Variants in IL34 observed in about 807,000 individuals in gnomAD.
IL34 encodes the protein interleukin 34, also known as interleukin-34.
Under a neutral mutation model 25.3 loss-of-function variants are expected in IL34, and 17 were observed. The observed-to-expected ratio is 0.67, with a 90% CI of 0.46 to 1.01. The LOEUF is 1.01. IL34 is among the 50% of genes least tolerant of loss of function. The pLI is 0.00. For synonymous variants in IL34, 174 were observed against 140.9 expected (o/e 1.23, Z -1.66); for missense variants, 368 against 312.9 (o/e 1.18, Z -1.33).
intron 1 of IL34, among the ~76,000 whole-genome samples, chr16:70,612,554 A>G (rs976901629): frequency 6.6e-6 from 1 of 152,236 alleles, no homozygotes; most frequent in Admixed American, 6.5e-5. Context: ...GATTCACACT[A>G]AAGTGTGAAA....
chr16:70,656,209 G>T (rs1238330693), intron 2 of IL34, among the ~76,000 whole-genome samples: 1 of 152,170 alleles, frequency 6.6e-6, no homozygotes, highest in Non-Finnish European at 1.5e-5. Flanking sequence ...TGCCGTCAAA[G>T]GTCTGGGCCC....
intron 1 of IL34, among the ~76,000 whole-genome samples, chr16:70,602,385 G>A (rs375245536): frequency 6.6e-6 from 1 of 152,138 alleles, no homozygotes; most frequent in East Asian, 1.9e-4. Flanking sequence ...AAATGAGGGT[G>A]AGCCGGGAAC....
chr16:70,654,660 C>A lies in IL34; in HGVS notation c.151C>A (p.Leu51Ile), dbSNP rs2052168290. Residue 51 changes from leucine to isoleucine, a missense_variant, in exon 2 of 6, where the codon CTT becomes ATT. Transcript: ENST00000288098. The stretch of plus-strand genomic sequence containing the variant: ...GGACAAGCTGCAGTACAGGAGCCGA[C>A]TTCAGTACATGGTAACCACGTGGGC... ...LRDKLQYRSRLQYMKHYFPIN... is the reference protein window; with the variant it reads ...LRDKLQYRSRIQYMKHYFPIN... 2 of 1,607,758 alleles carry A rather than the reference C, an allele frequency of 1.2e-6. No individual in the cohort carries two copies.
At chr16:70,631,009 T>G (rs1287548381) in intron 1 of IL34, among the ~76,000 whole-genome samples, 4 of 152,336 alleles carry the variant, frequency 2.6e-5, no homozygotes, top group Middle Eastern at 3.4e-3. Context: ...GGTATATACC[T>G]GGCAGTGAAG....
At chr16:70,606,110 A>G (rs995473780) in intron 1 of IL34, among the ~76,000 whole-genome samples, 47 of 152,008 alleles carry the variant, frequency 3.1e-4, no homozygotes, top group Admixed American at 5.2e-4. Flanking sequence ...TTAAATATGC[A>G]TATTGGCCAG....
Position 70,652,928 on chromosome 16 carries a change from G to T in IL34, c.29-1610G>T, listed in dbSNP as rs1452654458. Among the ~76,000 whole-genome samples the T allele has an allele frequency of 2.0e-5, 3 of 152,190 alleles. No homozygotes were observed. In the East Asian group the frequency reaches 5.8e-4, roughly 29 times the overall value. On this transcript the variant is annotated intron_variant, in intron 1 of 5. Coordinates refer to ENST00000288098, the MANE Select transcript of IL34 (RefSeq NM_001393494.1). ...CGAAATGAGCTGGGTGTATGACCGGGCATGGTGGCTCGTGCCTGTAAATCC... is the reference window on the plus strand; with the variant it reads ...CGAAATGAGCTGGGTGTATGACCGGTCATGGTGGCTCGTGCCTGTAAATCC...
chr16:70,642,294 C>CTTT (rs531744889), upstream of IL34, among the ~76,000 whole-genome samples: 74 of 116,884 alleles, frequency 6.3e-4, no homozygotes, highest in Non-Finnish European at 1.0e-3. Flanking sequence ...ACTCTGATGT[C>CTTT]TTTTTTTTTT....
chr16:70,657,041 G>T lies in IL34; in HGVS notation c.322G>T (p.Val108Leu), dbSNP rs759251394. Residue 108 changes from valine to leucine, a missense_variant, in exon 4 of 6, where the codon GTG becomes TTG. By Grantham distance (32) the Val-to-Leu change is conservative. Coordinates refer to ENST00000288098, the MANE Select transcript of IL34 (RefSeq NM_001393494.1). Reference protein sequence around the residue: ...SLSATESVQDVLLEGHPSWKY... With the variant: ...SLSATESVQDLLLEGHPSWKY... ...CAGTGCCACTGAGTCGGTGCAGGACGTGCTGCTCGAGGGCCACCCATCCTG... is the reference window on the plus strand; with the variant it reads ...CAGTGCCACTGAGTCGGTGCAGGACTTGCTGCTCGAGGGCCACCCATCCTG... 3 of 1,612,722 alleles carry T rather than the reference G, an allele frequency of 1.9e-6. No homozygotes were observed. The East Asian group carries it at 6.7e-5, about 36-fold the overall frequency.
chr16:70,644,397 T>A (rs2051857629), upstream of IL34, among the ~76,000 whole-genome samples: 1 of 152,130 alleles, frequency 6.6e-6, no homozygotes, highest in Admixed American at 6.6e-5. Flanking sequence ...GAGTAACTGC[T>A]ATATGGGGGT....
intron 1 of IL34, among the ~76,000 whole-genome samples, chr16:70,592,158 C>G (rs1166055432): frequency 1.3e-5 from 2 of 150,752 alleles, no homozygotes; most frequent in South Asian, 4.2e-4. Flanking sequence ...CCTGGCTTCC[C>G]AGGCCCCACT....
intron 1 of IL34, among the ~76,000 whole-genome samples, chr16:70,637,582 G>A (rs1463979627): frequency 7.3e-6 from 1 of 136,858 alleles, no homozygotes; most frequent in Non-Finnish European, 1.7e-5. Context: ...GACCTCAGAT[G>A]ATCTGCCCCC....
At chr16:70,601,668 G>A (rs564266184) in intron 1 of IL34, among the ~76,000 whole-genome samples, 1 of 152,316 alleles carries the variant, frequency 6.6e-6, no homozygotes, top group East Asian at 1.9e-4. Context: ...CCCAAGTACT[G>A]AGATTATAGG....
rs60699665 is a variant in IL34, at chr16:70,620,877, C to CA, written c.-400-25670dup. 3.3e-3 allele frequency among the ~76,000 whole-genome samples: 500 copies of CA among 152,032 alleles called. 2 individuals carry two copies. Among genetic ancestry groups the CA allele is most frequent in the African/African-American group, 0.011 (456 of 41,480 alleles). The stretch of plus-strand genomic sequence containing the variant: ...AAGAGGTTTTAAGTTTTTGAGAACA[C>CA]AGGCTAAGGGAGAAGAAGGAGGAAT... On this transcript the variant is annotated intron_variant, in intron 1 of 6. Coordinates refer to the IL34 transcript ENST00000429149.
At chr16:70,610,836 G>A (rs908764255) in intron 1 of IL34, among the ~76,000 whole-genome samples, 2 of 152,226 alleles carry the variant, frequency 1.3e-5, no homozygotes, top group Admixed American at 6.5e-5. Context: ...GCCCCCTCAA[G>A]CCTGCCGGGA....
At position 70,646,863 on chromosome 16, in the gene IL34, G is replaced by T; in HGVS notation, c.-85G>T. ...ACTGAGTGACCACCTCTGCTGCCCCGAGGCCATGTAGGCCGTGCTTAGGCC... is the reference window on the plus strand; with the variant it reads ...ACTGAGTGACCACCTCTGCTGCCCCTAGGCCATGTAGGCCGTGCTTAGGCC... On this transcript the variant is annotated 5_prime_UTR_variant, in exon 1 of 6. Coordinates refer to ENST00000288098, the MANE Select transcript of IL34 (RefSeq NM_001393494.1). 7.5e-7 allele frequency: 1 copy of T among 1,329,412 alleles called. No individual in the cohort carries two copies. The allele number at this position is 1,329,412 out of a possible 1,614,324, so 82.4% of individuals were successfully genotyped here.
At chr16:70,586,247 G>A (rs986246472) in intron 1 of IL34, among the ~76,000 whole-genome samples, 8 of 152,110 alleles carry the variant, frequency 5.3e-5, no homozygotes, top group African/African-American at 1.7e-4. Context: ...CTTAGCTATT[G>A]CGAATAACGC....
upstream of IL34, among the ~76,000 whole-genome samples, chr16:70,644,660 G>T (rs76077819): frequency 6.9e-6 from 1 of 144,146 alleles, no homozygotes; most frequent in African/African-American, 2.5e-5. Flanking sequence ...GTTAGTGTTT[G>T]TAGTGATGCT....
intron 1 of IL34, among the ~76,000 whole-genome samples, chr16:70,631,505 C>G (rs1407129044): frequency 1.3e-5 from 2 of 151,928 alleles, no homozygotes; most frequent in East Asian, 3.9e-4. Flanking sequence ...AAAACAAAAC[C>G]AAAGAATCTT....
At chr16:70,591,511 G>A (rs954938303) in intron 1 of IL34, among the ~76,000 whole-genome samples, 5 of 150,282 alleles carry the variant, frequency 3.3e-5, no homozygotes, top group Non-Finnish European at 4.4e-5. Context: ...CGAGGCTTCA[G>A]TTAGCCATGA....
Sources: gnomAD v4.1 joint callset for allele counts (sites outside exome capture counted in the v4.1 genomes callset) on GRCh38, gnomAD v4.1.1 for gene constraint, MANE v1.5 for transcripts, NCBI Gene and HGNC (gene_info 2026-07-23, HGNC 2026-07-21) for gene names.